The following SVOPL variants were observed in gnomAD, a reference collection of about 807,000 sequenced individuals.
SVOPL encodes SVOP like.
Under a neutral mutation model 61.0 loss-of-function variants are expected in SVOPL, and 60 were observed. That is an observed-to-expected ratio of 0.98 (90% CI 0.80 to 1.22). The LOEUF (loss-of-function observed/expected upper bound fraction) is 1.22. Among genes scored for constraint, SVOPL ranks in the 50% most tolerant of loss-of-function variants. SVOPL has a pLI of 0.00. For missense variants in SVOPL, 662 were observed against 643.9 expected, an observed-to-expected ratio of 1.03 and a Z score of -0.30; for synonymous variants, 279 against 250.0, an observed-to-expected ratio of 1.12 and a Z score of -1.09.
intron 14 of SVOPL, among the ~76,000 whole-genome samples, chr7:138,620,068 C>T (rs1184619658): frequency 1.3e-5 from 2 of 151,028 alleles, no homozygotes; most frequent in Admixed American, 6.6e-5. Flanking sequence ...TTTTTTGCTA[C>T]AGCCAGGTCA....
intron 14 of SVOPL, among the ~76,000 whole-genome samples, chr7:138,617,061 C>G (rs186634868): frequency 6.6e-6 from 1 of 152,212 alleles, no homozygotes; most frequent in Non-Finnish European, 1.5e-5. Context: ...CTCCATCTCC[C>G]AGGTTCAAGC....
chr7:138,595,125 G>C (rs1199301077), intron 15 of SVOPL, among the ~76,000 whole-genome samples: 1 of 152,126 alleles, frequency 6.6e-6, no homozygotes, highest in Non-Finnish European at 1.5e-5. Flanking sequence ...GTTTCTTAGA[G>C]TAGTTGTAAC....
intron 9 of SVOPL, among the ~76,000 whole-genome samples, chr7:138,631,580 T>C (rs1407850395): frequency 6.6e-6 from 1 of 151,930 alleles, no homozygotes; most frequent in East Asian, 1.9e-4. Context: ...CCCAAAGCTT[T>C]TTTTTTGGGA....
At chr7:138,698,808 AT>A (rs1803127988) in intron 1 of SVOPL, among the ~76,000 whole-genome samples, 1 of 151,110 alleles carries the variant, frequency 6.6e-6, no homozygotes, top group African/African-American at 2.5e-5. Context: ...CATCGAACAA[AT>A]TTTTACAATT....
chr7:138,597,613 C>T (rs1486893179), intron 14 of SVOPL, among the ~76,000 whole-genome samples: 1 of 150,566 alleles, frequency 6.6e-6, no homozygotes, highest in Non-Finnish European at 1.5e-5. Flanking sequence ...TTACAATTTT[C>T]CCCAAACAGG....
At chr7:138,671,003 T>C (rs1224785018) in intron 4 of SVOPL, among the ~76,000 whole-genome samples, 3 of 152,224 alleles carry the variant, frequency 2.0e-5, no homozygotes, top group Non-Finnish European at 4.4e-5. Context: ...ATAATGACTA[T>C]GAAGTCAATC....
intron 10 of SVOPL, among the ~76,000 whole-genome samples, chr7:138,628,818 A>G (rs1434888541): frequency 6.6e-6 from 1 of 151,870 alleles, no homozygotes; most frequent in Admixed American, 6.6e-5. Context: ...GCATGTTTTG[A>G]TGTGTTTATC....
chr7:138,699,220 C>T (rs1803137018), intron 1 of SVOPL, among the ~76,000 whole-genome samples: 3 of 152,110 alleles, frequency 2.0e-5, no homozygotes, highest in Admixed American at 2.0e-4. Flanking sequence ...AGGAGAATCT[C>T]TTGAACCTGG....
chr7:138,679,991 C>T (rs1802663723), intron 1 of SVOPL, among the ~76,000 whole-genome samples: 1 of 152,116 alleles, frequency 6.6e-6, no homozygotes, highest in South Asian at 2.1e-4. Context: ...ACAACCAGGA[C>T]TCTGAGACCG....
intron 5 of SVOPL, chr7:138,661,433 G>A (rs1166446080): frequency 1.0e-6 from 1 of 984,156 alleles, no homozygotes; most frequent in Non-Finnish European, 1.2e-6. Context: ...GGAATGTGAG[G>A]TATGCAGAAT....
intron 1 of SVOPL, chr7:138,689,301 G>A: frequency 6.3e-7 from 1 of 1,592,322 alleles, no homozygotes; most frequent in East Asian, 2.2e-5. Flanking sequence ...TAAGGGTTTA[G>A]ATGTAGATTC....
intron 8 of SVOPL, among the ~76,000 whole-genome samples, chr7:138,648,065 A>C (rs775331424): frequency 6.6e-6 from 1 of 152,082 alleles, no homozygotes; most frequent in Non-Finnish European, 1.5e-5. Context: ...GAATGAGTAG[A>C]ATTGTACTGC....
chr7:138,604,296 T>C (rs1485443456), intron 14 of SVOPL, among the ~76,000 whole-genome samples: 1 of 152,208 alleles, frequency 6.6e-6, no homozygotes. Context: ...TTCAGTTACA[T>C]ACTTCTATGA....
intron 14 of SVOPL, among the ~76,000 whole-genome samples, chr7:138,598,231 C>A (rs1798362070): frequency 6.6e-6 from 1 of 151,898 alleles, no homozygotes; most frequent in Non-Finnish European, 1.5e-5. Flanking sequence ...GCAGCCCAGA[C>A]CAGGAATAGA....
In SVOPL at chr7:138,598,867, A is replaced by G. The variant is rs186213105; in HGVS notation, c.1354-2337T>C. Reference sequence around the variant, plus strand: ...CATTAAAAAATCTACTTCAGTTCTTAGGCAAATACAATCTTGTAAAAATAT... The same window carrying G: ...CATTAAAAAATCTACTTCAGTTCTTGGGCAAATACAATCTTGTAAAAATAT... On this transcript the variant is annotated intron_variant, in intron 14 of 15. Coordinates refer to ENST00000674285, the MANE Select transcript of SVOPL (RefSeq NM_001139456.2). Among the ~76,000 whole-genome samples, 21 of 152,310 alleles carry G rather than the reference A, an allele frequency of 1.4e-4. No individual in the cohort carries two copies. The East Asian group carries it at 3.3e-3, about 24-fold the overall frequency.
At chr7:138,691,742 C>T (rs183331748) in intron 1 of SVOPL, among the ~76,000 whole-genome samples, 5 of 151,336 alleles carry the variant, frequency 3.3e-5, no homozygotes, top group African/African-American at 9.7e-5. Context: ...GGTTTCGCCA[C>T]GTTGGCCAGG....
At chr7:138,653,161 G>C (rs1369618462) in intron 7 of SVOPL, among the ~76,000 whole-genome samples, 1 of 152,176 alleles carries the variant, frequency 6.6e-6, no homozygotes, top group Non-Finnish European at 1.5e-5. Flanking sequence ...AGCAGGGGTT[G>C]GCTCGTGAGG....
intron 2 of SVOPL, among the ~76,000 whole-genome samples, chr7:138,678,730 T>C (rs1451948206): frequency 1.3e-5 from 2 of 152,102 alleles, no homozygotes; most frequent in Non-Finnish European, 2.9e-5. Context: ...ACTGCCACAC[T>C]GGCCTAATTT....
intron 10 of SVOPL, 33 bp from the exon 11 acceptor site, chr7:138,628,396 G>A (rs773885554): frequency 4.4e-6 from 7 of 1,604,186 alleles, no homozygotes; most frequent in South Asian, 2.2e-5. Context: ...ACTAGCCAAC[G>A]CTGACACCAG....
Sources: allele counts gnomAD v4.1 joint callset (sites outside exome capture counted in the v4.1 genomes callset), GRCh38; gene constraint gnomAD v4.1.1; transcripts MANE v1.5; gene names NCBI Gene and HGNC (gene_info 2026-07-23, HGNC 2026-07-21).